Variants in TBL1XR1 observed in about 807,000 individuals in gnomAD.
TBL1XR1 encodes TBL1X/Y related 1, also known as F-box-like/WD repeat-containing protein TBL1XR1.
TBL1XR1 carries 5 observed loss-of-function variants against 66.9 expected under a neutral mutation model. That is an observed-to-expected ratio of 0.07 (90% CI 0.04 to 0.16). The LOEUF is 0.16. Among genes scored for constraint, TBL1XR1 ranks in the 10% least tolerant of loss-of-function variants. The probability of loss-of-function intolerance (pLI) is 1.00; values close to 1 mark genes in which losing one functional copy is unlikely to be tolerated. For synonymous variants in TBL1XR1, 210 were observed against 206.0 expected (o/e 1.02, Z -0.17); for missense variants, 238 against 623.2 (o/e 0.38, Z 6.58).
chr3:177,026,980 A>C (rs1713223304), intron 14 of TBL1XR1: 1 of 152,576 alleles, frequency 6.6e-6, no homozygotes, highest in Non-Finnish European at 1.5e-5. Flanking sequence ...ATTATAAAAG[A>C]AGCTAAAATA....
chr3:177,075,794 T>C (rs929530426), intron 2 of TBL1XR1, among the ~76,000 whole-genome samples: 1 of 152,100 alleles, frequency 6.6e-6, no homozygotes, highest in Non-Finnish European at 1.5e-5. Flanking sequence ...AGCGTGACAA[T>C]AAAGTACCAT....
At chr3:177,095,427 C>CA (rs746860458) in intron 2 of TBL1XR1, among the ~76,000 whole-genome samples, 6 of 150,552 alleles carry the variant, frequency 4.0e-5, no homozygotes, top group African/African-American at 1.5e-4. Context: ...GAGATAATTA[C>CA]AAAAAAGTAT....
chr3:177,057,716 C>A (rs1380312016), intron 3 of TBL1XR1, among the ~76,000 whole-genome samples: 1 of 152,104 alleles, frequency 6.6e-6, no homozygotes, highest in African/African-American at 2.4e-5. Flanking sequence ...ATGTTAAAAT[C>A]CGGCATGACC....
At chr3:177,045,823 T>C (rs927623361) in intron 10 of TBL1XR1, among the ~76,000 whole-genome samples, 2 of 152,152 alleles carry the variant, frequency 1.3e-5, no homozygotes, top group African/African-American at 2.4e-5. Flanking sequence ...TAATGCTTCT[T>C]AAGTGGAGTG....
chr3:177,067,365 T>C (rs912596567), intron 2 of TBL1XR1, among the ~76,000 whole-genome samples: 1 of 152,200 alleles, frequency 6.6e-6, no homozygotes, highest in Non-Finnish European at 1.5e-5. Flanking sequence ...TCTTTTCCCC[T>C]AATATCATTC....
intron 1 of TBL1XR1, among the ~76,000 whole-genome samples, chr3:177,117,039 T>C (rs968617439): frequency 1.3e-5 from 2 of 152,202 alleles, no homozygotes; most frequent in Non-Finnish European, 2.9e-5. Flanking sequence ...ACACTGCTAT[T>C]GGCATTCCGA....
chr3:177,060,064 C>T (rs1718315032), intron 3 of TBL1XR1, among the ~76,000 whole-genome samples: 1 of 152,160 alleles, frequency 6.6e-6, no homozygotes, highest in Non-Finnish European at 1.5e-5. Flanking sequence ...GCACTGTTGG[C>T]TTCCCGCCTT....
chr3:177,157,230 A>C (rs1262766892), intron 1 of TBL1XR1, among the ~76,000 whole-genome samples: 1 of 152,060 alleles, frequency 6.6e-6, no homozygotes, highest in Non-Finnish European at 1.5e-5. Context: ...AGAAAAAAAA[A>C]TTTCCTCTCC....
At chr3:177,166,916 G>A (rs1462894747) in intron 1 of TBL1XR1, among the ~76,000 whole-genome samples, 6 of 152,168 alleles carry the variant, frequency 3.9e-5, no homozygotes, top group African/African-American at 1.4e-4. Flanking sequence ...AAATGGTACC[G>A]CCACTTTGGG....
chr3:177,038,053 A>T, intron 12 of TBL1XR1, 45 bp downstream of exon 12: 1 of 1,563,352 alleles, frequency 6.4e-7, no homozygotes, highest in African/African-American at 1.4e-5. Context: ...GAGCAACCAT[A>T]CTGTGTGACA....
intron 1 of TBL1XR1, among the ~76,000 whole-genome samples, chr3:177,135,469 C>T (rs62296580): frequency 0.016 from 2,413 of 147,832 alleles, 41 homozygotes; most frequent in Admixed American, 0.049. Context: ...CTGCAAGCTC[C>T]GCCAGCCGGG....
chr3:177,090,295 C>A (rs1274975331), intron 2 of TBL1XR1, among the ~76,000 whole-genome samples: 1 of 152,054 alleles, frequency 6.6e-6, no homozygotes, highest in African/African-American at 2.4e-5. Flanking sequence ...GAATGTATCT[C>A]ACTTTGAAGT....
intron 1 of TBL1XR1, among the ~76,000 whole-genome samples, chr3:177,134,850 T>C (rs1560213151): frequency 6.6e-6 from 1 of 152,148 alleles, no homozygotes; most frequent in Non-Finnish European, 1.5e-5. Context: ...TCTCAGAGCC[T>C]ACTTAATAAA....
At chr3:177,139,744 T>C (rs1185657464) in intron 1 of TBL1XR1, among the ~76,000 whole-genome samples, 2 of 150,564 alleles carry the variant, frequency 1.3e-5, no homozygotes, top group Non-Finnish European at 3.0e-5. Flanking sequence ...CATGCAAAAG[T>C]GGAGAACAGA....
At chr3:177,105,173 GAGT>G (rs1478175230) in intron 1 of TBL1XR1, among the ~76,000 whole-genome samples, 3 of 152,186 alleles carry the variant, frequency 2.0e-5, no homozygotes, top group Non-Finnish European at 4.4e-5. Context: ...TCTTTAAAGT[GAGT>G]AGAGCATTAA....
At chr3:177,053,044 G>A (rs1415334754) in intron 4 of TBL1XR1, among the ~76,000 whole-genome samples, 2 of 152,216 alleles carry the variant, frequency 1.3e-5, no homozygotes, top group African/African-American at 4.8e-5. Context: ...GGAGGTTGCA[G>A]TGAGCTGAGA....
At chr3:177,042,309 A>G (rs1415674494) in intron 10 of TBL1XR1, among the ~76,000 whole-genome samples, 2 of 152,204 alleles carry the variant, frequency 1.3e-5, no homozygotes, top group Non-Finnish European at 2.9e-5. Flanking sequence ...GTTATTCACA[A>G]GGCCAAATAT....
intron 1 of TBL1XR1, among the ~76,000 whole-genome samples, chr3:177,153,192 T>C (rs1286811309): frequency 1.3e-5 from 2 of 152,118 alleles, no homozygotes; most frequent in African/African-American, 4.8e-5. Context: ...CATAATTCTA[T>C]ACTCAGTGAA....
intron 1 of TBL1XR1, chr3:177,110,774 T>C (rs1422852629): frequency 1.3e-5 from 2 of 152,166 alleles, no homozygotes; most frequent in Non-Finnish European, 2.9e-5. Flanking sequence ...GGGGATATTT[T>C]GGGAAGCAGA....
Sources: allele counts gnomAD v4.1 joint callset (sites outside exome capture counted in the v4.1 genomes callset), GRCh38; gene constraint gnomAD v4.1.1; transcripts MANE v1.5; gene names NCBI Gene and HGNC (gene_info 2026-07-23, HGNC 2026-07-21).